The following MCTP1 variants were observed in gnomAD, a reference collection of about 807,000 sequenced individuals.
The protein encoded by MCTP1 is multiple C2 and transmembrane domain containing 1.
MCTP1 carries 69 observed loss-of-function variants against 120.6 expected under a neutral mutation model. That is an observed-to-expected ratio of 0.57 (90% CI 0.47 to 0.70). The LOEUF (loss-of-function observed/expected upper bound fraction) is 0.70. Among genes scored for constraint, MCTP1 ranks in the 30% least tolerant of loss-of-function variants. The pLI, the probability that MCTP1 is intolerant of heterozygous loss-of-function variation, is 0.00. For missense variants in MCTP1, 1,203 were observed against 1,248.8 expected (o/e 0.96, Z 0.55); for synonymous variants, 529 against 493.1 (o/e 1.07, Z -0.96).
intron 1 of MCTP1, among the ~76,000 whole-genome samples, chr5:95,061,408 G>GTTTTTTTTTTTTTTTTTTTTTT (rs556663513): frequency 6.0e-5 from 2 of 33,488 alleles, no homozygotes; most frequent in African/African-American, 9.8e-5. Flanking sequence ...CCCCTTAAGG[G>GTTTTTTTTTTTTTTTTTTTTTT]TTTTTTTTTT....
intron 1 of MCTP1, among the ~76,000 whole-genome samples, chr5:95,102,438 A>C (rs898110538): frequency 7.9e-5 from 12 of 152,344 alleles, no homozygotes; most frequent in South Asian, 2.1e-4. Context: ...GTTTTAAGCC[A>C]CAAAGTTGAA....
rs932840685 is a variant in MCTP1, at chr5:94,953,419, C to T, written c.839-58G>A. ...ATGACTTGGTTTGGAAGCAAGAGAA[C>T]CACTCTTTTGAAACAACAAAAAGTA... On this transcript the variant is annotated intron_variant, in intron 2 of 22. Transcript: ENST00000515393. 6.6e-6 allele frequency: 9 copies of T among 1,368,554 alleles called. 1 individual carries two copies. In the South Asian group the frequency reaches 1.3e-4, roughly 20 times the overall value. The allele number at this position is 1,368,554 out of a possible 1,614,324, so 84.8% of individuals were successfully genotyped here.
At chr5:95,253,709 A>G (rs1216554181) in intron 1 of MCTP1, among the ~76,000 whole-genome samples, 1 of 152,096 alleles carries the variant, frequency 6.6e-6, no homozygotes, top group East Asian at 1.9e-4. Flanking sequence ...AATCCAAACT[A>G]ATATAAAAAG....
chr5:95,196,987 A>G (rs1344711921), intron 1 of MCTP1, among the ~76,000 whole-genome samples: 1 of 152,134 alleles, frequency 6.6e-6, no homozygotes, highest in African/African-American at 2.4e-5. Flanking sequence ...TTCAATAAAG[A>G]CCCTCAGGTT....
At chr5:95,199,559 T>TG (rs1460358492) in intron 1 of MCTP1, among the ~76,000 whole-genome samples, 1 of 152,106 alleles carries the variant, frequency 6.6e-6, no homozygotes, top group African/African-American at 2.4e-5. Flanking sequence ...ATGGCTATTA[T>TG]GAAAAAGACA....
intron 19 of MCTP1, among the ~76,000 whole-genome samples, chr5:94,753,344 TA>T (rs903311643): frequency 6.6e-6 from 1 of 152,198 alleles, no homozygotes; most frequent in African/African-American, 2.4e-5. Context: ...ACAAACCCCC[TA>T]AAAATTATTG....
intron 1 of MCTP1, among the ~76,000 whole-genome samples, chr5:95,170,524 A>G (rs1270213608): frequency 6.6e-6 from 1 of 152,116 alleles, no homozygotes; most frequent in African/African-American, 2.4e-5. Flanking sequence ...AAAGTCTCCC[A>G]TTATTATTGT....
intron 17 of MCTP1, among the ~76,000 whole-genome samples, chr5:94,821,713 T>C (rs1785693850): frequency 6.6e-6 from 1 of 152,154 alleles, no homozygotes; most frequent in Admixed American, 6.6e-5. Context: ...GACCACCCTC[T>C]GATACAAAAA....
At chr5:95,272,127 T>A (rs462828) in intron 1 of MCTP1, among the ~76,000 whole-genome samples, 128,773 of 152,154 alleles carry the variant, frequency 0.85, 54,626 homozygotes, top group African/African-American at 0.9. Flanking sequence ...AGAGTAGGCA[T>A]GTGCATAAAC....
chr5:95,157,719 T>G (rs1745281009), intron 1 of MCTP1, among the ~76,000 whole-genome samples: 1 of 152,200 alleles, frequency 6.6e-6, no homozygotes, highest in Non-Finnish European at 1.5e-5. Context: ...CTAAAAGAGC[T>G]TCTCAATTTT....
intron 1 of MCTP1, chr5:95,068,720 GC>G (rs1413563364): frequency 3.0e-6 from 3 of 1,000,266 alleles, no homozygotes; most frequent in African/African-American, 3.5e-5. Context: ...AAAAAATAAA[GC>G]TTTTATGCCT....
At chr5:94,826,748 C>CAGAGAGTAG (rs1787163456) in intron 17 of MCTP1, 1 of 233,476 alleles carries the variant, frequency 4.3e-6, no homozygotes, top group Non-Finnish European at 7.7e-6. Context: ...TCTGTTTTAT[C>CAGAGAGTAG]AGAGAGTAGG....
intron 1 of MCTP1, among the ~76,000 whole-genome samples, chr5:95,147,366 G>A (rs1008574872): frequency 4.6e-5 from 7 of 152,176 alleles, no homozygotes; most frequent in East Asian, 1.9e-4. Context: ...GATTACAGGC[G>A]TGAGCCACCG....
intron 17 of MCTP1, among the ~76,000 whole-genome samples, chr5:94,851,400 ATTC>A (rs1322685182): frequency 6.6e-6 from 1 of 152,044 alleles, no homozygotes; most frequent in Non-Finnish European, 1.5e-5. Context: ...GGTAGAGCAA[ATTC>A]TTCTTCACAG....
At chr5:95,239,485 G>A (rs2152675064) in intron 1 of MCTP1, among the ~76,000 whole-genome samples, 1 of 152,284 alleles carries the variant, frequency 6.6e-6, no homozygotes, top group Middle Eastern at 3.4e-3. Flanking sequence ...TATCTGATGA[G>A]TCTAGTTCTG....
At chr5:94,931,562 A>G (rs1490259657) in intron 6 of MCTP1, 3 of 168,672 alleles carry the variant, frequency 1.8e-5, no homozygotes, top group Non-Finnish European at 2.5e-5. Context: ...CTGAGTTTAG[A>G]AAGCCTCATA....
At chr5:95,167,159 A>G (rs966535406) in intron 1 of MCTP1, among the ~76,000 whole-genome samples, 9 of 152,008 alleles carry the variant, frequency 5.9e-5, no homozygotes, top group African/African-American at 1.9e-4. Flanking sequence ...GAGAACATGC[A>G]GTGTTTGGTT....
At chr5:95,082,817 T>C (rs954954188) in intron 1 of MCTP1, among the ~76,000 whole-genome samples, 4 of 152,174 alleles carry the variant, frequency 2.6e-5, no homozygotes, top group Non-Finnish European at 4.4e-5. Context: ...GGCTACCATA[T>C]TGAATAGCAT....
intron 1 of MCTP1, among the ~76,000 whole-genome samples, chr5:95,037,370 C>T (rs1294128409): frequency 6.6e-6 from 1 of 152,160 alleles, no homozygotes; most frequent in East Asian, 1.9e-4. Context: ...GGATGCAAAA[C>T]TGCATACATA....
Sources: allele counts gnomAD v4.1 joint callset (sites outside exome capture counted in the v4.1 genomes callset), GRCh38; gene constraint gnomAD v4.1.1; transcripts MANE v1.5; gene names NCBI Gene and HGNC (gene_info 2026-07-23, HGNC 2026-07-21).